Variants in DLG2 observed in about 807,000 individuals in gnomAD.
The protein encoded by DLG2 is discs large MAGUK scaffold protein 2, also known as disks large homolog 2.
Under a neutral mutation model 132.5 loss-of-function variants are expected in DLG2, and 45 were observed. The ratio of observed to expected loss-of-function variants is 0.34; its 90% CI spans 0.27 to 0.44. The LOEUF is 0.44. Among genes scored for constraint, DLG2 ranks in the 20% least tolerant of loss-of-function variants. DLG2 has a pLI of 1.00. For synonymous variants in DLG2, 424 were observed against 419.6 expected, an observed-to-expected ratio of 1.01 and a Z score of -0.13; for missense variants, 1,045 against 1,196.9, an observed-to-expected ratio of 0.87 and a Z score of 1.87.
At chr11:84,115,560 T>C (rs1283378567) in intron 9 of DLG2, among the ~76,000 whole-genome samples, 1 of 152,230 alleles carries the variant, frequency 6.6e-6, no homozygotes, top group Non-Finnish European at 1.5e-5. Flanking sequence ...TCTCCCTTAC[T>C]AGACTGCAAT....
At chr11:84,776,032 T>C (rs2070413446) in intron 6 of DLG2, among the ~76,000 whole-genome samples, 1 of 152,210 alleles carries the variant, frequency 6.6e-6, no homozygotes, top group African/African-American at 2.4e-5. Flanking sequence ...TGATAACTGA[T>C]ATTTCTTATG....
chr11:85,261,215 C>T (rs2076923345), intron 4 of DLG2, among the ~76,000 whole-genome samples: 1 of 152,104 alleles, frequency 6.6e-6, no homozygotes, highest in African/African-American at 2.4e-5. Context: ...GGAGGGGCTA[C>T]ATGCAGATAA....
chr11:84,212,418 T>A (rs114611393), intron 8 of DLG2, among the ~76,000 whole-genome samples: 2 of 152,160 alleles, frequency 1.3e-5, no homozygotes, highest in African/African-American at 2.4e-5. Context: ...ATTGCTGCAA[T>A]CCCCCTTGGG....
intron 4 of DLG2, among the ~76,000 whole-genome samples, chr11:85,204,807 C>T (rs1038791267): frequency 6.6e-5 from 10 of 152,186 alleles, no homozygotes; most frequent in Non-Finnish European, 8.8e-5. Context: ...GTAACCAAAA[C>T]ATCATGGTAC....
chr11:85,131,238 A>C (rs2075682248), intron 5 of DLG2, among the ~76,000 whole-genome samples: 1 of 152,144 alleles, frequency 6.6e-6, no homozygotes, highest in Non-Finnish European at 1.5e-5. Flanking sequence ...TTCGGTATTG[A>C]TTTAATTTGT....
intron 18 of DLG2, among the ~76,000 whole-genome samples, chr11:83,656,632 C>A (rs1253423333): frequency 1.3e-5 from 2 of 152,158 alleles, no homozygotes; most frequent in Non-Finnish European, 2.9e-5. Context: ...AAGTATATGA[C>A]CAATTCATTC....
At chr11:85,199,006 C>A (rs2152546582) in intron 4 of DLG2, among the ~76,000 whole-genome samples, 1 of 152,250 alleles carries the variant, frequency 6.6e-6, no homozygotes, top group Middle Eastern at 3.4e-3. Flanking sequence ...AACTAGTTGG[C>A]AGTACTATAA....
intron 4 of DLG2, among the ~76,000 whole-genome samples, chr11:85,191,163 C>CAT (rs756471810): frequency 8.9e-5 from 1 of 11,240 alleles, no homozygotes; most frequent in Non-Finnish European, 2.4e-4. Flanking sequence ...CGCACGCGCG[C>CAT]ACACACACAC....
chr11:84,655,097 G>T (rs943027701), intron 6 of DLG2, among the ~76,000 whole-genome samples: 2 of 151,904 alleles, frequency 1.3e-5, no homozygotes, highest in African/African-American at 4.8e-5. Flanking sequence ...CTAGAAAAAT[G>T]AAAATGCTGA....
intron 3 of DLG2, among the ~76,000 whole-genome samples, chr11:85,321,409 G>A (rs570773159): frequency 7.6e-4 from 115 of 152,044 alleles, no homozygotes; most frequent in African/African-American, 2.7e-3. Flanking sequence ...CTTATAACTA[G>A]AGATATAAAT....
chr11:84,441,477 G>C (rs1245183034), intron 7 of DLG2, among the ~76,000 whole-genome samples: 1 of 152,124 alleles, frequency 6.6e-6, no homozygotes, highest in Non-Finnish European at 1.5e-5. Flanking sequence ...TTTTGGTAAA[G>C]AATATGTACA....
At chr11:85,482,740 C>T (rs1242630778) in intron 3 of DLG2, among the ~76,000 whole-genome samples, 2 of 151,946 alleles carry the variant, frequency 1.3e-5, no homozygotes, top group Non-Finnish European at 2.9e-5. Context: ...TGGACCCCAG[C>T]ATCAGGCTAA....
At chr11:84,192,535 C>G (rs918468295) in intron 8 of DLG2, among the ~76,000 whole-genome samples, 7 of 152,204 alleles carry the variant, frequency 4.6e-5, no homozygotes, top group African/African-American at 1.7e-4. Context: ...TCGAGATAAT[C>G]CTGGCTAACA....
chr11:85,153,488 C>A lies in DLG2; in HGVS notation c.282+1068G>T, dbSNP rs183945572. ...TCATCATTTCTCTATAAGCTGATTA[C>A]AATTTTCATTGTTTCTCACTAGGAC... On this transcript the variant is annotated intron_variant, in intron 5 of 27. Transcript: ENST00000376104. 3.0e-3 allele frequency among the ~76,000 whole-genome samples: 463 copies of A among 152,238 alleles called. 1 individual carries two copies. The highest frequency in any genetic ancestry group is 0.011 in the African/African-American group (449 of 41,548).
chr11:83,891,009 A>G (rs1281805476), intron 15 of DLG2, among the ~76,000 whole-genome samples: 1 of 152,130 alleles, frequency 6.6e-6, no homozygotes, highest in Non-Finnish European at 1.5e-5. Flanking sequence ...AATTATTCCA[A>G]TATTGTATCT....
intron 19 of DLG2, among the ~76,000 whole-genome samples, chr11:83,616,517 G>C (rs1430417683): frequency 6.6e-6 from 1 of 150,426 alleles, no homozygotes; most frequent in Admixed American, 6.6e-5. Context: ...TTTTCTCAAA[G>C]ACTTGTAGCT....
At chr11:83,480,130 CTG>C (rs2092981426) in intron 22 of DLG2, among the ~76,000 whole-genome samples, 1 of 152,052 alleles carries the variant, frequency 6.6e-6, no homozygotes, top group East Asian at 1.9e-4. Flanking sequence ...TCACAACCAA[CTG>C]AGGTTGGAAT....
chr11:83,483,480 A>AGAAG (rs543202054), intron 22 of DLG2, among the ~76,000 whole-genome samples: 30 of 152,266 alleles, frequency 2.0e-4, no homozygotes, highest in Middle Eastern at 3.4e-3. Context: ...CTGAGATTCA[A>AGAAG]GAAGGAAATT....
At chr11:84,349,435 A>G (rs962226762) in intron 7 of DLG2, among the ~76,000 whole-genome samples, 1 of 150,824 alleles carries the variant, frequency 6.6e-6, no homozygotes, top group Non-Finnish European at 1.5e-5. Flanking sequence ...ATTTTATTTC[A>G]ACCCTTTGGA....
Sources: gnomAD v4.1 joint callset for allele counts (sites outside exome capture counted in the v4.1 genomes callset) on GRCh38, gnomAD v4.1.1 for gene constraint, MANE v1.5 for transcripts, NCBI Gene and HGNC (gene_info 2026-07-23, HGNC 2026-07-21) for gene names.